MTUS2: variants seen among roughly 807,000 people sequenced by gnomAD.
The protein encoded by MTUS2 is microtubule associated scaffold protein 2.
MTUS2 carries 40 observed loss-of-function variants against 114.1 expected under a neutral mutation model. The observed-to-expected ratio is 0.35, with a 90% CI of 0.27 to 0.46. The LOEUF (loss-of-function observed/expected upper bound fraction) is 0.46, where lower values mean the gene tolerates loss of function less well. Among genes scored for constraint, MTUS2 ranks in the 20% least tolerant of loss-of-function variants. The pLI is 1.00. For missense variants in MTUS2, 1,679 were observed against 1,705.4 expected, an observed-to-expected ratio of 0.98 and a Z score of 0.27; for synonymous variants, 688 against 672.0, an observed-to-expected ratio of 1.02 and a Z score of -0.37.
intron 5 of MTUS2, among the ~76,000 whole-genome samples, chr13:29,109,571 T>C (rs1464525210): frequency 3.3e-5 from 5 of 152,200 alleles, no homozygotes; most frequent in Non-Finnish European, 7.3e-5. Context: ...TTTGTGACTT[T>C]GGGCAAGTTG....
chr13:29,357,981 C>T (rs1262993574), intron 7 of MTUS2, among the ~76,000 whole-genome samples: 1 of 152,182 alleles, frequency 6.6e-6, no homozygotes, highest in Non-Finnish European at 1.5e-5. Flanking sequence ...ACACCAGGTA[C>T]TGAAGGGGCT....
At chr13:29,397,466 C>T (rs1212678418) in intron 8 of MTUS2, among the ~76,000 whole-genome samples, 7 of 152,166 alleles carry the variant, frequency 4.6e-5, no homozygotes, top group African/African-American at 1.7e-4. Flanking sequence ...GGGGAGTCTC[C>T]AGACCAGCAG....
chr13:29,263,968 A>G (rs1367882806), intron 5 of MTUS2, among the ~76,000 whole-genome samples: 1 of 152,204 alleles, frequency 6.6e-6, no homozygotes, highest in Non-Finnish European at 1.5e-5. Context: ...GTCTCAACTC[A>G]TTTTAACATC....
intron 2 of MTUS2, among the ~76,000 whole-genome samples, chr13:28,856,543 C>T (rs189232775): frequency 4.5e-4 from 68 of 152,266 alleles, no homozygotes; most frequent in African/African-American, 1.6e-3. Flanking sequence ...GGGCCATCAG[C>T]TGGAAACAGG....
chr13:29,038,365 T>C (rs1349091247), intron 4 of MTUS2, among the ~76,000 whole-genome samples: 1 of 152,232 alleles, frequency 6.6e-6, no homozygotes, highest in East Asian at 1.9e-4. Context: ...GTATCACCAG[T>C]GGAGGCAGCA....
At chr13:28,991,660 G>A (rs1484101978) in intron 2 of MTUS2, among the ~76,000 whole-genome samples, 4 of 152,138 alleles carry the variant, frequency 2.6e-5, no homozygotes, top group East Asian at 1.9e-4. Context: ...GAGCCACCGC[G>A]CCCGGGTGTT....
At position 29,503,740 on chromosome 13, in the gene MTUS2, A is replaced by AG. The variant is rs2099841580; in HGVS notation, c.*536dup. The AG allele has an allele frequency of 1.1e-5, 1 of 91,166 alleles. No homozygotes were observed. Among genetic ancestry groups the AG allele is most frequent in the Non-Finnish European group, 2.1e-5 (1 of 48,718 alleles). 5.6% of individuals were successfully genotyped at this position (91,166 alleles called of 1,614,324 possible). On this transcript the variant is annotated 3_prime_UTR_variant, in exon 16 of 16. Transcript: ENST00000612955. ...GAATATTTCTACCCAAAATAGAAAAAGGAAAAAAAAAAAGATACAGAGAAG... is the reference window on the plus strand; with the variant it reads ...GAATATTTCTACCCAAAATAGAAAAAGGGAAAAAAAAAAAGATACAGAGAAG...
rs34068964 is a variant in MTUS2 at position 29,337,955 on chromosome 13, A to ATTTTTTT, written c.2905+13252_2905+13258dup. On this transcript the variant is annotated intron_variant, in intron 7 of 15. Coordinates refer to ENST00000612955, the MANE Select transcript of MTUS2 (RefSeq NM_001033602.4). ...AGGTGTGTGTCACTATGCCCTGCTA[A>ATTTTTTT]TTTTTTTTTTTTTTAGTAGAGACAG... Among the ~76,000 whole-genome samples, 584 of 143,452 alleles carry ATTTTTTT rather than the reference A, an allele frequency of 4.1e-3. 5 individuals carry two copies. Among genetic ancestry groups the ATTTTTTT allele is most frequent in the Non-Finnish European group, 5.2e-3 (345 of 66,128 alleles). The allele number at this position is 143,452 out of a possible 152,430, so 94.1% of individuals were successfully genotyped here. A position where few individuals can be genotyped will look rare whatever the true frequency, so the allele number is the denominator to read the frequency against.
At chr13:29,219,997 C>CT (rs779482115) in intron 5 of MTUS2, among the ~76,000 whole-genome samples, 2,638 of 143,140 alleles carry the variant, frequency 0.018, 48 homozygotes, top group Admixed American at 0.044. Flanking sequence ...TGGAACAGCA[C>CT]TTTTTTTTTT....
intron 10 of MTUS2, among the ~76,000 whole-genome samples, chr13:29,481,723 T>C (rs989840622): frequency 1.3e-5 from 2 of 151,284 alleles, no homozygotes; most frequent in African/African-American, 4.9e-5. Flanking sequence ...ACTGTCATGG[T>C]AATAAAAACC....
intron 2 of MTUS2, among the ~76,000 whole-genome samples, chr13:29,003,816 C>T (rs932340380): frequency 6.6e-5 from 10 of 152,300 alleles, no homozygotes; most frequent in South Asian, 2.1e-4. Flanking sequence ...AGTGCTCCTG[C>T]GGCCCTGGCA....
chr13:28,960,395 G>T (rs1883270727), intron 2 of MTUS2, among the ~76,000 whole-genome samples: 1 of 152,176 alleles, frequency 6.6e-6, no homozygotes, highest in African/African-American at 2.4e-5. Flanking sequence ...ATCCAAGAGT[G>T]TGAAAACATA....
intron 2 of MTUS2, among the ~76,000 whole-genome samples, chr13:28,994,994 G>A (rs1208678128): frequency 5.3e-5 from 8 of 152,048 alleles, no homozygotes; most frequent in Admixed American, 1.3e-4. Flanking sequence ...TGTCCTGAAT[G>A]GTATTGCCTA....
intron 4 of MTUS2, among the ~76,000 whole-genome samples, chr13:29,062,746 G>A (rs573594675): frequency 3.6e-4 from 55 of 152,076 alleles, no homozygotes; most frequent in African/African-American, 1.2e-3. Flanking sequence ...GTCTTAAAGC[G>A]GCCTAAAAGA....
chr13:29,460,208 A>G (rs895114452), intron 9 of MTUS2, among the ~76,000 whole-genome samples: 4 of 152,178 alleles, frequency 2.6e-5, no homozygotes, highest in Non-Finnish European at 5.9e-5. Context: ...GTTGTACAGA[A>G]GGGGGTTGAC....
At chr13:29,195,558 AAAAG>A (rs1269826224) in intron 5 of MTUS2, among the ~76,000 whole-genome samples, 10 of 150,480 alleles carry the variant, frequency 6.6e-5, no homozygotes, top group Non-Finnish European at 1.0e-4. Flanking sequence ...AAAAAAAAAA[AAAAG>A]AGCTACAGTA....
chr13:28,973,475 A>T (rs1883947688), intron 2 of MTUS2, among the ~76,000 whole-genome samples: 1 of 152,228 alleles, frequency 6.6e-6, no homozygotes, highest in Admixed American at 6.5e-5. Context: ...CATGTACCTA[A>T]GACCTACTGT....
intron 5 of MTUS2, among the ~76,000 whole-genome samples, chr13:29,107,541 A>AT (rs899560393): frequency 1.7e-4 from 26 of 152,158 alleles, no homozygotes; most frequent in Non-Finnish European, 3.7e-4. Flanking sequence ...CTAAAATGTT[A>AT]TTTTTATTGA....
At chr13:28,955,958 ATGTG>A (rs1428177359) in intron 2 of MTUS2, among the ~76,000 whole-genome samples, 9 of 151,672 alleles carry the variant, frequency 5.9e-5, no homozygotes, top group African/African-American at 1.7e-4. Flanking sequence ...GTATTTGGTT[ATGTG>A]AGTGAGTTCT....
Sources: gnomAD v4.1 joint callset for allele counts (sites outside exome capture counted in the v4.1 genomes callset) on GRCh38, gnomAD v4.1.1 for gene constraint, MANE v1.5 for transcripts, NCBI Gene and HGNC (gene_info 2026-07-23, HGNC 2026-07-21) for gene names.